SLC16A3: variants seen among roughly 807,000 people sequenced by gnomAD.
The protein encoded by SLC16A3 is monocarboxylate transporter 4.
SLC16A3 carries 22 observed loss-of-function variants against 25.0 expected under a neutral mutation model. The ratio of observed to expected loss-of-function variants is 0.88; its 90% CI spans 0.63 to 1.26. The LOEUF (loss-of-function observed/expected upper bound fraction) is 1.26, where lower values mean the gene tolerates loss of function less well. Among genes scored for constraint, SLC16A3 ranks in the 50% most tolerant of loss-of-function variants. SLC16A3 has a pLI of 0.00. For synonymous variants in SLC16A3, 390 were observed against 309.2 expected (o/e 1.26, Z -2.74); for missense variants, 731 against 666.6 (o/e 1.10, Z -1.06).
chr17:82,227,568 ATGGGAGCACCACCTGC>A (rs1189030024), upstream of SLC16A3, among the ~76,000 whole-genome samples: 3 of 123,678 alleles, frequency 2.4e-5, no homozygotes, highest in African/African-American at 1.4e-4. Flanking sequence ...GTGCAGGAAG[ATGGGAGCACCACCTGC>A]CCTGGGCGGG....
intron 1 of SLC16A3, chr17:82,230,903 C>G (rs1160053054): frequency 5.3e-5 from 8 of 152,270 alleles, no homozygotes; most frequent in Non-Finnish European, 1.2e-4. Flanking sequence ...CTCCGAGACC[C>G]GCAGTTCACG....
At chr17:82,235,864 GTGCCGGGCAGCTGCCCCTCAGCTGAGC>G (rs1412837545) in intron 1 of SLC16A3, 92 bp from the exon 2 acceptor site, 1 of 661,918 alleles carries the variant, frequency 1.5e-6, no homozygotes, top group Non-Finnish European at 2.6e-6. Context: ...ACAAGTGTGG[GTGCCGGGCAGCTGCCCCTCAGCTGAGC>G]TGCCGGGCCA....
upstream of SLC16A3, among the ~76,000 whole-genome samples, chr17:82,224,674 G>A (rs1160975759): frequency 6.7e-6 from 1 of 148,478 alleles, no homozygotes; most frequent in African/African-American, 2.5e-5. Flanking sequence ...AGTCACCTGT[G>A]CAGACACACC....
chr17:82,225,958 G>A (rs1369782041), upstream of SLC16A3, among the ~76,000 whole-genome samples: 1 of 152,080 alleles, frequency 6.6e-6, no homozygotes, highest in Non-Finnish European at 1.5e-5. Flanking sequence ...AGGGACTCTC[G>A]GGGCAGCCCA....
chr17:82,227,569 T>C (rs1485535221), upstream of SLC16A3, among the ~76,000 whole-genome samples: 9 of 122,186 alleles, frequency 7.4e-5, no homozygotes, highest in African/African-American at 4.3e-4. Flanking sequence ...TGCAGGAAGA[T>C]GGGAGCACCA....
chr17:82,239,143 G>A lies in SLC16A3; in HGVS notation c.*167G>A. ...GTTTTGAGGGGGAAGGTGGCGGGGT[G>A]GGAACCGTGTCATTCCAGAGTGGAT... On this transcript the variant is annotated 3_prime_UTR_variant, in exon 5 of 5. Transcript: ENST00000582743. 2 of 645,644 alleles carry A rather than the reference G, an allele frequency of 3.1e-6. No individual in the cohort carries two copies. The highest frequency in any genetic ancestry group is 2.6e-5 in the South Asian group (1 of 38,864). 40.0% of individuals were successfully genotyped at this position (645,644 alleles called of 1,614,324 possible).
Position 82,238,708 on chromosome 17 carries a change from T to C in SLC16A3, c.1130T>C (p.Leu377Pro). The C allele has an allele frequency of 6.2e-7, 1 of 1,608,934 alleles. No individual in the cohort carries two copies. Among genetic ancestry groups the C allele is most frequent in the Non-Finnish European group, 8.5e-7 (1 of 1,178,070 alleles). ...VLVGPPSGGK[L>P]LDATHVYMYV... Reference sequence around the variant, plus strand: ...TGACGGGGTCTTCCCGCAGGCAAACTCCTGGATGCGACCCACGTCTACATG... The same window carrying C: ...TGACGGGGTCTTCCCGCAGGCAAACCCCTGGATGCGACCCACGTCTACATG... The change falls in exon 5 of 5, where the codon CTC becomes CCC. Residue 377 changes from leucine to proline, a missense_variant. Transcript: ENST00000582743.
At chr17:82,231,573 C>T (rs1245394302) in intron 1 of SLC16A3, 3 of 152,314 alleles carry the variant, frequency 2.0e-5, no homozygotes, top group Admixed American at 6.5e-5. Flanking sequence ...CGGCCCCCAC[C>T]ACCTCCCGGC....
intron 1 of SLC16A3, chr17:82,230,501 T>A (rs1342520047): frequency 6.6e-6 from 1 of 152,590 alleles, no homozygotes; most frequent in Non-Finnish European, 1.5e-5. Context: ...CGGGGCACTT[T>A]ACTTTGGAGG....
At position 82,239,629 on chromosome 17, in the gene SLC16A3, A is replaced by G. The variant is rs112994596; in HGVS notation, c.*653A>G. ...CATTCGTAGCAGGGGCAGGCGCTGC[A>G]TGGAGGGGGCTGCGGGGCAGGTGCC... On this transcript the variant is annotated 3_prime_UTR_variant, in exon 5 of 5. Coordinates refer to ENST00000582743, the MANE Select transcript of SLC16A3 (RefSeq NM_004207.4). 164 of 261,574 alleles carry G rather than the reference A, an allele frequency of 6.3e-4. 1 individual carries two copies. The highest frequency in any genetic ancestry group is 3.3e-3 in the African/African-American group (148 of 45,072). The allele number at this position is 261,574 out of a possible 1,614,324, so 16.2% of individuals were successfully genotyped here. A position where few individuals can be genotyped will look rare whatever the true frequency, so the allele number is the denominator to read the frequency against.
intron 1 of SLC16A3, among the ~76,000 whole-genome samples, chr17:82,233,018 A>G (rs944969228): frequency 2.0e-5 from 3 of 151,864 alleles, no homozygotes; most frequent in East Asian, 3.9e-4. Context: ...CAGGCAGGAC[A>G]GCCCCAGGGT....
intron 2 of SLC16A3, 169 bp downstream of exon 2, chr17:82,236,400 G>A: frequency 2.9e-6 from 2 of 686,246 alleles, no homozygotes; most frequent in Non-Finnish European, 4.9e-6. Context: ...TCTCCACGGG[G>A]CCAACCCAGG....
intron 1 of SLC16A3, chr17:82,235,782 G>C: frequency 1.7e-6 from 1 of 593,180 alleles, no homozygotes; most frequent in South Asian, 2.0e-5. Context: ...GCAGTGCAGA[G>C]GGAGTGGGAC....
At chr17:82,224,064 C>T (rs372758744), upstream of SLC16A3, among the ~76,000 whole-genome samples, 5 of 142,032 alleles carry the variant, frequency 3.5e-5, no homozygotes, top group East Asian at 9.0e-4. Flanking sequence ...AGACACACCC[C>T]CACACCCGTG....
upstream of SLC16A3, among the ~76,000 whole-genome samples, chr17:82,227,255 G>A (rs912943393): frequency 6.6e-6 from 1 of 152,154 alleles, no homozygotes; most frequent in African/African-American, 2.4e-5. Context: ...GAGGCAGGAG[G>A]GGGCAGTGAG....
At position 82,238,750 on chromosome 17, in the gene SLC16A3, CG is replaced by C. The variant is rs2050686489; in HGVS notation, c.1177del (p.Ala393ProfsTer8). ...GTCTACATGTACGTGTTCATCCTGG[CG>C]GGGGCCGAGGTGCTCACCTCCTCCC... Reference protein sequence around the residue: ...THVYMYVFILAGAEVLTSSLI... With the variant: ...THVYMYVFILXGAEVLTSSLI... On this transcript the variant is annotated frameshift_variant, in exon 5 of 5. Coordinates refer to ENST00000582743, the MANE Select transcript of SLC16A3 (RefSeq NM_004207.4). LOFTEE classifies it low-confidence loss of function (END_TRUNC). 1.2e-6 allele frequency: 2 copies of C among 1,612,420 alleles called. No homozygotes were observed. Among genetic ancestry groups the C allele is most frequent in the Non-Finnish European group, 1.7e-6 (2 of 1,179,846 alleles).
rs1275975973 is a variant in SLC16A3, at chr17:82,239,054, C to T, written c.*78C>T. ...CTTGCTATTTATTTTACAAACTGGACTGGCTCAGGCAGGGCCACGGCTGGG... is the reference window on the plus strand; with the variant it reads ...CTTGCTATTTATTTTACAAACTGGATTGGCTCAGGCAGGGCCACGGCTGGG... On this transcript the variant is annotated 3_prime_UTR_variant, in exon 5 of 5. Coordinates refer to ENST00000582743, the MANE Select transcript of SLC16A3 (RefSeq NM_004207.4). The T allele has an allele frequency of 7.1e-7, 1 of 1,403,074 alleles. No individual in the cohort carries two copies. Among genetic ancestry groups the T allele is most frequent in the African/African-American group, 1.4e-5 (1 of 69,416 alleles). 86.9% of individuals were successfully genotyped at this position (1,403,074 alleles called of 1,614,324 possible). A position where few individuals can be genotyped will look rare whatever the true frequency, so the allele number is the denominator to read the frequency against.
chr17:82,237,140 T>C lies in SLC16A3; in HGVS notation c.370T>C (p.Leu124=), dbSNP rs371494778. 3.4e-4 allele frequency: 516 copies of C among 1,502,800 alleles called. No homozygotes were observed. The highest frequency in any genetic ancestry group is 4.3e-4 in the Non-Finnish European group (487 of 1,123,922). The allele number at this position is 1,502,800 out of a possible 1,614,324, so 93.1% of individuals were successfully genotyped here. A position where few individuals can be genotyped will look rare whatever the true frequency, so the allele number is the denominator to read the frequency against. The change falls in exon 4 of 5, where the codon TTG becomes CTG. Residue 124 remains leucine, a splice_region_variant and synonymous_variant. Coordinates refer to ENST00000582743, the MANE Select transcript of SLC16A3 (RefSeq NM_004207.4). ...TCACCACATTCCCTTTCCTCCAGGG[T>C]TGGGTTTGGCACTCAACTTCCAGCC... The part of the protein sequence containing the change: ...VYLTTGVITG[L]GLALNFQPSL...
At chr17:82,227,611 G>C (rs1248261921), upstream of SLC16A3, among the ~76,000 whole-genome samples, 7 of 100,600 alleles carry the variant, frequency 7.0e-5, no homozygotes, top group Non-Finnish European at 8.8e-5. Context: ...ACCTGCCCTG[G>C]GCGGGAGCAC....
Sources: allele counts gnomAD v4.1 joint callset (sites outside exome capture counted in the v4.1 genomes callset), GRCh38; gene constraint gnomAD v4.1.1; transcripts MANE v1.5; gene names NCBI Gene and HGNC (gene_info 2026-07-23, HGNC 2026-07-21).